Variants in SYNE1 observed in about 807,000 individuals in gnomAD.
The protein encoded by SYNE1 is spectrin repeat containing nuclear envelope protein 1.
A neutral mutation model predicts 1,111.0 loss-of-function variants in SYNE1; 616 were observed. The observed-to-expected ratio is 0.55, with a 90% CI of 0.52 to 0.59. The LOEUF (loss-of-function observed/expected upper bound fraction) is 0.59, where lower values mean the gene tolerates loss of function less well. Among genes scored for constraint, SYNE1 ranks in the 20% least tolerant of loss-of-function variants. The pLI is 0.00. For missense variants in SYNE1, 10,006 were observed against 10,417.0 expected (o/e 0.96, Z 1.72); for synonymous variants, 3,855 against 3,825.8 (o/e 1.01, Z -0.28).
Position 152,442,171 on chromosome 6 carries a change from C to A in SYNE1, c.3912G>T (p.Gly1304=), listed in dbSNP as rs199595574. ...CCTCGTGGCCTCGGTCAGGCAGCCC[C>A]CCTTCTCCCTGCTGCGCCTGCGCGA... ...QQIAQAQQGE[G]GLPDRGHEEL... Residue 1304 remains glycine (G), a synonymous_variant, in exon 31 of 146, where the codon GGG becomes GGT. Coordinates refer to ENST00000367255, the MANE Select transcript of SYNE1 (RefSeq NM_182961.4). The A allele has an allele frequency of 1.4e-5, 22 of 1,613,706 alleles. No homozygotes were observed. Among genetic ancestry groups the A allele is most frequent in the Non-Finnish European group, 1.7e-6 (2 of 1,180,054 alleles).
intron 3 of SYNE1, among the ~76,000 whole-genome samples, chr6:152,577,842 T>C (rs12190943): frequency 0.041 from 6,197 of 152,078 alleles, 207 homozygotes; most frequent in Non-Finnish European, 0.056. Flanking sequence ...TTATTTACTA[T>C]ACTATACCTT....
At chr6:152,499,971 G>C (rs1452295575) in intron 10 of SYNE1, among the ~76,000 whole-genome samples, 1 of 152,052 alleles carries the variant, frequency 6.6e-6, no homozygotes, top group African/African-American at 2.4e-5. Context: ...GAATCTCTAA[G>C]GATTTTTGCA....
intron 145 of SYNE1, chr6:152,127,905 T>C (rs2054080334): frequency 1.3e-5 from 2 of 152,212 alleles, no homozygotes; most frequent in Admixed American, 1.3e-4. Flanking sequence ...TTTTCCCTCT[T>C]TCAGTGTTTC....
rs1485145859 is a variant in SYNE1, at chr6:152,136,696, C to A, written c.25581G>T (p.Met8527Ile). 6.2e-7 allele frequency: 1 copy of A among 1,614,138 alleles called. No individual in the cohort carries two copies. Among genetic ancestry groups the A allele is most frequent in the Non-Finnish European group, 8.5e-7 (1 of 1,180,058 alleles). Residue 8527 changes from methionine (M) to isoleucine (I), a missense_variant, in exon 141 of 146, where the codon ATG becomes ATT. Met to Ile is a conservative substitution (Grantham distance 10). Coordinates refer to ENST00000367255, the MANE Select transcript of SYNE1 (RefSeq NM_182961.4). ...SRDLQDRLSQ[M>I]NGRWDRVCSL... ...AGCACACTCGGTCCCAGCGCCCATT[C>A]ATCTGCGACAAGCGATCCTGCAGGT...
intron 95 of SYNE1, among the ~76,000 whole-genome samples, chr6:152,291,904 T>A (rs2094623645): frequency 6.6e-6 from 1 of 152,210 alleles, no homozygotes; most frequent in African/African-American, 2.4e-5. Flanking sequence ...TTCTGAATGC[T>A]TAAAGAACGG....
At chr6:152,188,984 A>ATATAT (rs1329296361) in intron 128 of SYNE1, among the ~76,000 whole-genome samples, 5 of 22,996 alleles carry the variant, frequency 2.2e-4, no homozygotes, top group Admixed American at 2.1e-3. Context: ...AAAAAAAAAA[A>ATATAT]ATATATATAT....
In SYNE1 at chr6:152,416,539, C is replaced by T; in HGVS notation, c.5898G>A (p.Leu1966=). 1.2e-6 allele frequency: 2 copies of T among 1,614,008 alleles called. No individual in the cohort carries two copies. Among genetic ancestry groups the T allele is most frequent in the Non-Finnish European group, 1.7e-6 (2 of 1,180,008 alleles). Reference sequence around the variant, plus strand: ...CATCTGCCTCACTCTGCTTGGTTCCCAGAAGGTTCTGGATCCTCTCTACCT... The same window carrying T: ...CATCTGCCTCACTCTGCTTGGTTCCTAGAAGGTTCTGGATCCTCTCTACCT... ...CGEVERIQNL[L]GTKQSEADAL... The change falls in exon 41 of 146, where the codon CTG becomes CTA. Residue 1966 remains leucine, a synonymous_variant. Coordinates refer to ENST00000367255, the MANE Select transcript of SYNE1 (RefSeq NM_182961.4).
At chr6:152,433,213 G>T (rs1357096966) in intron 34 of SYNE1, among the ~76,000 whole-genome samples, 1 of 152,090 alleles carries the variant, frequency 6.6e-6, no homozygotes, top group Non-Finnish European at 1.5e-5. Flanking sequence ...TTCTTGAACT[G>T]TCTGAATGAA....
intron 130 of SYNE1, among the ~76,000 whole-genome samples, chr6:152,172,618 C>T (rs546959775): frequency 4.9e-4 from 74 of 152,250 alleles, no homozygotes; most frequent in Admixed American, 2.0e-3. Context: ...GACAGATTTC[C>T]TTTTAGTCCT....
chr6:152,262,260 G>A (rs2092107885), intron 100 of SYNE1, 72 bp from the exon 101 acceptor site: 2 of 1,364,808 alleles, frequency 1.5e-6, no homozygotes, highest in African/African-American at 1.4e-5. Context: ...CTTATTGTGT[G>A]TACCAGACCT....
rs766061148 is a variant in SYNE1 at position 152,455,456 on chromosome 6, C to G, written c.2862G>C (p.Gly954=). 3.1e-6 allele frequency: 5 copies of G among 1,614,106 alleles called. No homozygotes were observed. The highest frequency in any genetic ancestry group is 4.2e-6 in the Non-Finnish European group (5 of 1,180,008). Residue 954 remains glycine (G), a synonymous_variant, in exon 24 of 146, where the codon GGG becomes GGC. Coordinates refer to ENST00000367255, the MANE Select transcript of SYNE1 (RefSeq NM_182961.4). ...GTCTCCGCAGGAGCTCCTCTGGATC[C>G]CCCTTTTCCTCCAGGCCCTCCTGAG... ...RIAQEGLEEK[G]DPEELLRRHT...
chr6:152,235,518 C>T (rs936567383), intron 110 of SYNE1, among the ~76,000 whole-genome samples: 36 of 152,038 alleles, frequency 2.4e-4, no homozygotes, highest in African/African-American at 7.5e-4. Context: ...TGCACCACCA[C>T]GCCTGGCTAA....
intron 77 of SYNE1, among the ~76,000 whole-genome samples, chr6:152,332,628 C>A (rs890725911): frequency 3.9e-5 from 6 of 152,120 alleles, no homozygotes; most frequent in Admixed American, 6.5e-5. Context: ...TATGTGCTTT[C>A]TTTTGTGAAG....
chr6:152,523,103 G>A (rs1241690848), intron 5 of SYNE1, among the ~76,000 whole-genome samples: 1 of 151,696 alleles, frequency 6.6e-6, no homozygotes, highest in African/African-American at 2.4e-5. Context: ...TGCTCTTAGG[G>A]TCTTAGTAAA....
chr6:152,141,144 A>G lies in SYNE1; in HGVS notation c.25246+59T>C, dbSNP rs2058458687. On this transcript the variant is annotated intron_variant, in intron 139 of 145. Coordinates refer to ENST00000367255, the MANE Select transcript of SYNE1 (RefSeq NM_182961.4). ...CCCCCTAAGTGGAATTTCGCTGTTAACAAAGTGCTTCAGGATCTTCTATTT... is the reference window on the plus strand; with the variant it reads ...CCCCCTAAGTGGAATTTCGCTGTTAGCAAAGTGCTTCAGGATCTTCTATTT... 5 of 1,612,844 alleles carry G rather than the reference A, an allele frequency of 3.1e-6. No individual in the cohort carries two copies. In the South Asian group the frequency reaches 4.4e-5, roughly 14 times the overall value.
chr6:152,367,338 C>T lies in SYNE1; in HGVS notation c.9852G>A (p.Gln3284=). ...GTAATTCTTTAATCCCAAGAGAGAA[C>T]TGATTGTGTTCTGCAACGATTCTAT... ...RLDRIVAEHN[Q]FSLGIKELQD... Residue 3284 remains glutamine, a synonymous_variant, in exon 62 of 146, where the codon CAG becomes CAA. Coordinates refer to ENST00000367255, the MANE Select transcript of SYNE1 (RefSeq NM_182961.4). 1 of 1,614,168 alleles carries T rather than the reference C, an allele frequency of 6.2e-7. No homozygotes were observed. Among genetic ancestry groups the T allele is most frequent in the South Asian group, 1.1e-5 (1 of 91,082 alleles).
At chr6:152,169,598 A>T (rs1384981942) in intron 130 of SYNE1, among the ~76,000 whole-genome samples, 1 of 136,866 alleles carries the variant, frequency 7.3e-6, no homozygotes, top group Non-Finnish European at 1.5e-5. Flanking sequence ...TACACCTGCC[A>T]GCCTGGGTTA....
In SYNE1 at chr6:152,376,540, G is replaced by T. The variant is rs117020413; in HGVS notation, c.9165C>A (p.Ser3055=). Residue 3055 remains serine, a synonymous_variant, in exon 58 of 146, where the codon TCC becomes TCA. Transcript: ENST00000367255. ...KEYNCLCLQA[S]KGCQNKEQIL... is the part of the protein sequence containing the mutation. ...TCTGTTCTTTATTCTGGCAGCCCTT[G>T]GATGCTTGCAAACAAAGACTGAAAA... is the stretch of plus-strand genomic sequence containing the variant. The T allele has an allele frequency of 0.013, 20,809 of 1,613,918 alleles. 193 individuals are homozygous for T. The highest frequency in any genetic ancestry group is 0.031 in the South Asian group (2,867 of 91,068).
intron 3 of SYNE1, among the ~76,000 whole-genome samples, chr6:152,578,072 T>G (rs184420118): frequency 0.013 from 1,933 of 151,630 alleles, 17 homozygotes; most frequent in Non-Finnish European, 0.021. Context: ...GCAAAAATGG[T>G]TTTTTTTGCT....
Sources: allele counts gnomAD v4.1 joint callset (sites outside exome capture counted in the v4.1 genomes callset), GRCh38; gene constraint gnomAD v4.1.1; transcripts MANE v1.5; gene names NCBI Gene and HGNC (gene_info 2026-07-23, HGNC 2026-07-21).